PSD3: variants seen among roughly 807,000 people sequenced by gnomAD.
PSD3 encodes the protein pleckstrin and Sec7 domain containing 3, also known as PH and SEC7 domain-containing protein 3.
Under a neutral mutation model 105.5 loss-of-function variants are expected in PSD3, and 49 were observed. The ratio of observed to expected loss-of-function variants is 0.46; its 90% confidence interval spans 0.37 to 0.59. The LOEUF (loss-of-function observed/expected upper bound fraction) is 0.59. Ranked by LOEUF, PSD3 falls within the 20% of genes least tolerant of loss-of-function variation. PSD3 has a pLI of 0.00. For missense variants in PSD3, 1,561 were observed against 1,263.8 expected, an observed-to-expected ratio of 1.24 and a Z score of -3.57; for synonymous variants, 557 against 457.8, an observed-to-expected ratio of 1.22 and a Z score of -2.77.
chr8:18,675,335 C>T (rs1800009127), intron 9 of PSD3, among the ~76,000 whole-genome samples: 1 of 152,174 alleles, frequency 6.6e-6, no homozygotes, highest in Non-Finnish European at 1.5e-5. Flanking sequence ...GCTGACACCA[C>T]TAAACTGCAG....
chr8:18,893,838 G>A (rs530040702), intron 2 of PSD3, among the ~76,000 whole-genome samples: 4 of 152,266 alleles, frequency 2.6e-5, no homozygotes, highest in East Asian at 1.9e-4. Flanking sequence ...GTTCTGCCAC[G>A]GCTGCCATTC....
intron 1 of PSD3, among the ~76,000 whole-genome samples, chr8:19,010,062 C>G (rs1465591951): frequency 6.6e-6 from 1 of 152,126 alleles, no homozygotes. Flanking sequence ...TAAAAATATC[C>G]TTCAACATGT....
intron 14 of PSD3, among the ~76,000 whole-genome samples, chr8:18,567,492 T>G (rs573408006): frequency 2.6e-5 from 4 of 152,192 alleles, no homozygotes; most frequent in Non-Finnish European, 5.9e-5. Context: ...TTCCTTTTCT[T>G]TTAAAGTTGT....
intron 15 of PSD3, among the ~76,000 whole-genome samples, chr8:18,536,722 GA>G (rs1799865290): frequency 6.6e-6 from 1 of 151,866 alleles, no homozygotes; most frequent in Non-Finnish European, 1.5e-5. Context: ...GGATATCTAA[GA>G]TTTTTTTTTT....
intron 1 of PSD3, among the ~76,000 whole-genome samples, chr8:18,950,279 T>G (rs937531997): frequency 2.0e-5 from 3 of 152,234 alleles, no homozygotes; most frequent in African/African-American, 7.2e-5. Context: ...TAAAAGTGGT[T>G]ATTTTATTAG....
At chr8:19,050,163 G>C (rs1018266379) in intron 1 of PSD3, among the ~76,000 whole-genome samples, 1 of 152,116 alleles carries the variant, frequency 6.6e-6, no homozygotes, top group Non-Finnish European at 1.5e-5. Flanking sequence ...ACTGCAATTT[G>C]CAAATTAGAA....
intron 4 of PSD3, among the ~76,000 whole-genome samples, chr8:18,807,982 T>C (rs11775676): frequency 0.36 from 54,482 of 151,984 alleles, 10,730 homozygotes; most frequent in Non-Finnish European, 0.45. Context: ...ACACTACCAT[T>C]CAGTTTTGTG....
chr8:18,946,447 G>C (rs965077773), intron 1 of PSD3, among the ~76,000 whole-genome samples: 2 of 152,116 alleles, frequency 1.3e-5, no homozygotes, highest in African/African-American at 4.8e-5. Context: ...CAGGCAGAGT[G>C]TCATGCACCC....
At chr8:18,858,882 A>G (rs1308405284) in intron 4 of PSD3, among the ~76,000 whole-genome samples, 1 of 152,152 alleles carries the variant, frequency 6.6e-6, no homozygotes, top group Admixed American at 6.5e-5. Flanking sequence ...TGGAATTAAC[A>G]TCTTCCAAAT....
At chr8:18,617,715 C>T (rs1435433194) in intron 11 of PSD3, among the ~76,000 whole-genome samples, 3 of 152,068 alleles carry the variant, frequency 2.0e-5, no homozygotes, top group Admixed American at 1.3e-4. Context: ...ATGCCCTCCT[C>T]CCTTTGGAGT....
chr8:18,937,836 GCTCT>G (rs1822249923), intron 1 of PSD3, among the ~76,000 whole-genome samples: 1 of 152,220 alleles, frequency 6.6e-6, no homozygotes, highest in Admixed American at 6.5e-5. Context: ...GTTAGGGAAA[GCTCT>G]CTGAGAAACT....
In PSD3 at chr8:18,568,556, C is replaced by A. The variant is rs181806983; in HGVS notation, c.2784+3972G>T. On this transcript the variant is annotated intron_variant, in intron 14 of 15. Transcript: ENST00000327040. The stretch of plus-strand genomic sequence containing the variant: ...GCCTGTTTCCTCTACTTCCATGAGC[C>A]ACCAGAAGTGTCCATTCTACACTTT... Among the ~76,000 whole-genome samples the A allele has an allele frequency of 5.7e-3, 860 of 152,212 alleles. 7 individuals are homozygous for A. Among genetic ancestry groups the A allele is most frequent in the South Asian group, 5.8e-3 (28 of 4,824 alleles).
intron 2 of PSD3, among the ~76,000 whole-genome samples, chr8:18,893,979 A>T (rs1818982898): frequency 2.0e-5 from 3 of 152,208 alleles, no homozygotes; most frequent in Admixed American, 6.5e-5. Flanking sequence ...AAGAGCTTGG[A>T]AGCAATATCT....
intron 1 of PSD3, among the ~76,000 whole-genome samples, chr8:19,004,060 T>C (rs1826540473): frequency 6.6e-6 from 1 of 152,050 alleles, no homozygotes; most frequent in African/African-American, 2.4e-5. Flanking sequence ...CAGGTAATTC[T>C]TGACAGACAA....
chr8:19,006,510 A>C lies in PSD3; in HGVS notation c.21+7053T>G, dbSNP rs931435852. 3.9e-5 allele frequency among the ~76,000 whole-genome samples: 6 copies of C among 152,060 alleles called. 1 individual carries two copies. Among genetic ancestry groups the C allele is most frequent in the Non-Finnish European group, 7.4e-5 (5 of 67,994 alleles). Reference sequence around the variant, plus strand: ...ACTCAAAATTAAAATGTATTTCAACAGAGGTCTAACCATGAGAATTTCACA... The same window carrying C: ...ACTCAAAATTAAAATGTATTTCAACCGAGGTCTAACCATGAGAATTTCACA... On this transcript the variant is annotated intron_variant, in intron 1 of 15. Transcript: ENST00000327040.
At chr8:18,839,793 C>T (rs953531245) in intron 4 of PSD3, among the ~76,000 whole-genome samples, 2 of 152,314 alleles carry the variant, frequency 1.3e-5, no homozygotes, top group Non-Finnish European at 2.9e-5. Flanking sequence ...TTGGCTATAA[C>T]TCTCCCATGA....
rs1296477536 is a variant in PSD3 at position 18,871,720 on chromosome 8, C to G, written c.1144G>C (p.Val382Leu). The G allele has an allele frequency of 1.2e-6, 2 of 1,614,186 alleles. No homozygotes were observed. Among genetic ancestry groups the G allele is most frequent in the Admixed American group, 1.7e-5 (1 of 60,032 alleles). ...PGTSSGTFSP[V>L]RLDESGEDEV... ...TCCTCTCCACTCTCATCAAGACGCACAGGGGAAAATGTCCCCGAGCTAGTG... is the reference window on the plus strand; with the variant it reads ...TCCTCTCCACTCTCATCAAGACGCAGAGGGGAAAATGTCCCCGAGCTAGTG... The change falls in exon 3 of 16, where the codon GTG (valine) becomes CTG (leucine). Residue 382 changes from valine (V) to leucine (L), a missense_variant. Val to Leu is a conservative substitution (Grantham distance 32). Coordinates refer to ENST00000327040, the MANE Select transcript of PSD3 (RefSeq NM_015310.4).
chr8:18,812,571 C>G (rs2129448478), intron 4 of PSD3, among the ~76,000 whole-genome samples: 1 of 152,206 alleles, frequency 6.6e-6, no homozygotes, highest in African/African-American at 2.4e-5. Context: ...CCAACTGGTC[C>G]TTTGGGAGGG....
chr8:18,624,306 T>C (rs1255773593), intron 11 of PSD3, among the ~76,000 whole-genome samples: 6 of 152,186 alleles, frequency 3.9e-5, no homozygotes, highest in Admixed American at 3.9e-4. Flanking sequence ...ACATGTGAAA[T>C]GACATTTCAC....
Sources: gnomAD v4.1 joint callset for allele counts (sites outside exome capture counted in the v4.1 genomes callset) on GRCh38, gnomAD v4.1.1 for gene constraint, MANE v1.5 for transcripts, NCBI Gene and HGNC (gene_info 2026-07-23, HGNC 2026-07-21) for gene names.